EPHA6: variants seen among roughly 807,000 people sequenced by gnomAD.
The protein encoded by EPHA6 is ephrin type-A receptor 6.
In EPHA6, 50 loss-of-function variants were observed where a neutral mutation model predicts 112.0. The observed-to-expected ratio is 0.45, with a 90% confidence interval of 0.36 to 0.56. The LOEUF (loss-of-function observed/expected upper bound fraction) is 0.56, where lower values mean the gene tolerates loss of function less well. Among genes scored for constraint, EPHA6 ranks in the 20% least tolerant of loss-of-function variants. EPHA6 has a pLI of 0.00. For missense variants in EPHA6, 1,280 were observed against 1,417.4 expected, an observed-to-expected ratio of 0.90 and a Z score of 1.56; for synonymous variants, 529 against 490.7, an observed-to-expected ratio of 1.08 and a Z score of -1.03.
intron 15 of EPHA6, among the ~76,000 whole-genome samples, chr3:97,723,935 T>G (rs547302543): frequency 6.6e-6 from 1 of 152,300 alleles, no homozygotes; most frequent in African/African-American, 2.4e-5. Context: ...AGCTGCTCTT[T>G]CCAAATACTG....
chr3:97,123,923 G>C (rs1329657908), intron 3 of EPHA6, among the ~76,000 whole-genome samples: 1 of 152,004 alleles, frequency 6.6e-6, no homozygotes, highest in East Asian at 1.9e-4. Context: ...GAGAGAGAGA[G>C]AGAGAGATCT....
intron 3 of EPHA6, among the ~76,000 whole-genome samples, chr3:97,147,665 A>G (rs1489670811): frequency 6.6e-6 from 1 of 152,134 alleles, no homozygotes; most frequent in African/African-American, 2.4e-5. Flanking sequence ...AACTATAAAA[A>G]CATTCATTAA....
intron 5 of EPHA6, among the ~76,000 whole-genome samples, chr3:97,305,721 G>T (rs529260476): frequency 1.9e-4 from 29 of 151,968 alleles, no homozygotes; most frequent in African/African-American, 7.0e-4. Flanking sequence ...TGTCAGTGGG[G>T]ATGGGGGGAG....
intron 11 of EPHA6, among the ~76,000 whole-genome samples, chr3:97,557,427 G>A (rs763701001): frequency 2.0e-5 from 3 of 151,740 alleles, no homozygotes; most frequent in Non-Finnish European, 4.4e-5. Flanking sequence ...TGTGTCCCTA[G>A]CTCTTTATTG....
intron 3 of EPHA6, among the ~76,000 whole-genome samples, chr3:97,105,421 T>C (rs1344290033): frequency 6.6e-6 from 1 of 152,186 alleles, no homozygotes; most frequent in African/African-American, 2.4e-5. Context: ...CAAATGTCAT[T>C]CAGGAGCAAG....
chr3:97,092,100 A>ATTTTTT (rs1559722629), intron 3 of EPHA6, among the ~76,000 whole-genome samples: 1 of 149,260 alleles, frequency 6.7e-6, no homozygotes, highest in African/African-American at 2.5e-5. Flanking sequence ...TTTTTTTTAA[A>ATTTTTT]AAAAAAAAGC....
chr3:96,890,951 G>A (rs887960473), intron 2 of EPHA6, among the ~76,000 whole-genome samples: 3 of 152,138 alleles, frequency 2.0e-5, no homozygotes, highest in African/African-American at 7.2e-5. Flanking sequence ...GCGAGGCATG[G>A]TGGCACATGC....
chr3:97,123,574 C>T (rs1245036086), intron 3 of EPHA6, among the ~76,000 whole-genome samples: 2 of 152,010 alleles, frequency 1.3e-5, no homozygotes, highest in African/African-American at 4.8e-5. Context: ...GCTGGAACAG[C>T]CATTTTCATG....
At chr3:97,231,458 GCCA>G (rs1441305533) in intron 4 of EPHA6, among the ~76,000 whole-genome samples, 1 of 152,132 alleles carries the variant, frequency 6.6e-6, no homozygotes, top group Non-Finnish European at 1.5e-5. Flanking sequence ...ACTGACAATA[GCCA>G]GATTAAGAGA....
chr3:97,378,714 C>T (rs906328954), intron 5 of EPHA6, among the ~76,000 whole-genome samples: 1 of 152,140 alleles, frequency 6.6e-6, no homozygotes, highest in Non-Finnish European at 1.5e-5. Flanking sequence ...TTTGACTGCC[C>T]CATTGGATTT....
chr3:96,959,897 A>G (rs1289651508), intron 2 of EPHA6, among the ~76,000 whole-genome samples: 2 of 152,048 alleles, frequency 1.3e-5, no homozygotes, highest in African/African-American at 4.8e-5. Context: ...CAAAATGTGA[A>G]TAGAATTGGG....
At chr3:97,423,721 CA>C (rs758604859) in intron 6 of EPHA6, among the ~76,000 whole-genome samples, 1 of 152,056 alleles carries the variant, frequency 6.6e-6, no homozygotes, top group Non-Finnish European at 1.5e-5. Context: ...GAAAAAAGAA[CA>C]AAGCTGGAGG....
intron 4 of EPHA6, among the ~76,000 whole-genome samples, chr3:97,229,239 T>C (rs2078451102): frequency 6.6e-6 from 1 of 152,194 alleles, no homozygotes; most frequent in South Asian, 2.1e-4. Flanking sequence ...TATCTATTTG[T>C]CTTTGGTTTT....
chr3:97,521,728 G>T (rs953877066), intron 10 of EPHA6, among the ~76,000 whole-genome samples: 2 of 152,140 alleles, frequency 1.3e-5, no homozygotes, highest in African/African-American at 4.8e-5. Context: ...GCCCTGTGGT[G>T]GCGGAATTAG....
chr3:97,224,653 T>C (rs2078301130), intron 3 of EPHA6, among the ~76,000 whole-genome samples: 1 of 152,140 alleles, frequency 6.6e-6, no homozygotes. Context: ...TTTTATATTG[T>C]GGTTCTATGG....
intron 1 of EPHA6, among the ~76,000 whole-genome samples, chr3:96,845,380 A>G (rs1025351954): frequency 5.3e-5 from 8 of 152,090 alleles, no homozygotes; most frequent in Non-Finnish European, 1.0e-4. Context: ...AGTGTGGCTC[A>G]TATGCTGTCA....
At chr3:97,083,152 T>A (rs2046777132) in intron 3 of EPHA6, among the ~76,000 whole-genome samples, 1 of 151,988 alleles carries the variant, frequency 6.6e-6, no homozygotes, top group South Asian at 2.1e-4. Flanking sequence ...AAGTGTCTTT[T>A]GTTAAGACAG....
intron 2 of EPHA6, among the ~76,000 whole-genome samples, chr3:96,955,206 T>A (rs999630270): frequency 5.3e-5 from 8 of 152,166 alleles, no homozygotes; most frequent in Non-Finnish European, 1.2e-4. Context: ...TATCAAAGAA[T>A]ATGAAAATTT....
At chr3:96,969,480 T>C (rs1053886505) in intron 2 of EPHA6, among the ~76,000 whole-genome samples, 1 of 151,886 alleles carries the variant, frequency 6.6e-6, no homozygotes, top group African/African-American at 2.4e-5. Context: ...AGAGCTATAA[T>C]TTTAATTGAA....
Sources: gnomAD v4.1 joint callset for allele counts (sites outside exome capture counted in the v4.1 genomes callset) on GRCh38, gnomAD v4.1.1 for gene constraint, MANE v1.5 for transcripts, NCBI Gene and HGNC (gene_info 2026-07-23, HGNC 2026-07-21) for gene names.